CDYL: variants seen among roughly 807,000 people sequenced by gnomAD.
CDYL encodes chromodomain Y like, also known as chromodomain Y-like protein.
In CDYL, 8 loss-of-function variants were observed where a neutral mutation model predicts 47.3. That is an observed-to-expected ratio of 0.17 (90% CI 0.10 to 0.31). CDYL has a LOEUF of 0.31. Ranked by LOEUF, CDYL falls within the 10% of genes least tolerant of loss-of-function variation. The pLI is 1.00. For missense variants in CDYL, 471 were observed against 701.4 expected (o/e 0.67, Z 3.71); for synonymous variants, 266 against 265.0 (o/e 1.00, Z -0.04).
In CDYL at chr6:4,743,631, T is replaced by C. The variant is rs925743014; in HGVS notation, c.186+8787T>C. Among the ~76,000 whole-genome samples the C allele has an allele frequency of 2.6e-5, 4 of 152,342 alleles. No individual in the cohort carries two copies. The East Asian group carries it at 5.8e-4, about 22-fold the overall frequency. The stretch of plus-strand genomic sequence containing the variant: ...GTCACTAATTTTCCAACTGATGATA[T>C]CTGCTCACCACTGCTCCATGTCTGA... On this transcript the variant is annotated intron_variant, in intron 3 of 8. Transcript: ENST00000328908.
chr6:4,946,686 TG>T (rs1405590991), intron 5 of CDYL, among the ~76,000 whole-genome samples: 2 of 149,658 alleles, frequency 1.3e-5, no homozygotes, highest in African/African-American at 4.9e-5. Flanking sequence ...GTGGGGCTGA[TG>T]GAACTCAGCT....
intron 1 of CDYL, among the ~76,000 whole-genome samples, chr6:4,867,170 TTTTG>T (rs1165109828): frequency 6.6e-6 from 1 of 152,132 alleles, no homozygotes; most frequent in Non-Finnish European, 1.5e-5. Context: ...ATTTCTAATG[TTTTG>T]TTTGTTGTTT....
intron 1 of CDYL, among the ~76,000 whole-genome samples, chr6:4,819,836 G>A (rs1759783748): frequency 6.7e-6 from 1 of 150,060 alleles, no homozygotes; most frequent in Admixed American, 6.6e-5. Flanking sequence ...GGATTCTGCT[G>A]AACATCCTGC....
intron 1 of CDYL, among the ~76,000 whole-genome samples, chr6:4,804,910 C>T (rs1269373477): frequency 6.6e-6 from 1 of 152,110 alleles, no homozygotes; most frequent in Non-Finnish European, 1.5e-5. Context: ...TGCATCTGTC[C>T]CATTTCTATA....
chr6:4,900,779 G>GTGTATATA, intron 2 of CDYL, among the ~76,000 whole-genome samples: 1 of 51,714 alleles, frequency 1.9e-5, no homozygotes, highest in African/African-American at 6.3e-5. Flanking sequence ...GTATACGTGT[G>GTGTATATA]TATATATATA....
chr6:4,903,500 A>G lies in CDYL; in HGVS notation c.691+11121A>G, dbSNP rs182927958. On this transcript the variant is annotated intron_variant, in intron 2 of 6. Transcript: ENST00000397588. ...AAAATTATATTGTTTTATCTGAGCA[A>G]AATCTACTTAAAGGGTTCATTGAAC... 5.9e-5 allele frequency among the ~76,000 whole-genome samples: 9 copies of G among 152,334 alleles called. No homozygotes were observed. The East Asian group carries it at 1.7e-3, about 29-fold the overall frequency.
intron 1 of CDYL, among the ~76,000 whole-genome samples, chr6:4,784,478 A>G (rs1758700222): frequency 1.3e-5 from 2 of 152,200 alleles, no homozygotes; most frequent in Admixed American, 1.3e-4. Flanking sequence ...CTTTGAACCA[A>G]CACTTGAGAT....
chr6:4,708,089 C>T (rs1242514155), intron 1 of CDYL, among the ~76,000 whole-genome samples: 2 of 151,854 alleles, frequency 1.3e-5, no homozygotes, highest in Admixed American at 1.3e-4. Context: ...AATATGTGAT[C>T]TATTATTGCA....
intron 3 of CDYL, among the ~76,000 whole-genome samples, chr6:4,769,875 C>T (rs1178545423): frequency 6.6e-6 from 1 of 152,190 alleles, no homozygotes; most frequent in East Asian, 1.9e-4. Flanking sequence ...CGGCTCACTG[C>T]AAGCTCCGCC....
chr6:4,951,770 G>A (rs968666115), intron 5 of CDYL, among the ~76,000 whole-genome samples: 5 of 151,932 alleles, frequency 3.3e-5, no homozygotes, highest in Non-Finnish European at 5.9e-5. Flanking sequence ...ATAAAGAAAA[G>A]GTTTGGTAGG....
chr6:4,937,569 T>C lies in CDYL; in HGVS notation c.953T>C (p.Met318Thr). 1 of 1,533,474 alleles carries C rather than the reference T, an allele frequency of 6.5e-7. No homozygotes were observed. Among genetic ancestry groups the C allele is most frequent in the Non-Finnish European group, 8.8e-7 (1 of 1,141,942 alleles). The allele number at this position is 1,533,474 out of a possible 1,614,324, so 95.0% of individuals were successfully genotyped here. ...SENNSLNPEV[M>T]REVQSALSTA... ...TTAACTTCTGGTGACTTTCAGGTAATGAGAGAAGTCCAGAGTGCTCTGAGC... is the reference window on the plus strand; with the variant it reads ...TTAACTTCTGGTGACTTTCAGGTAACGAGAGAAGTCCAGAGTGCTCTGAGC... The change falls in exon 4 of 7, where the codon ATG (methionine) becomes ACG (threonine). Residue 318 changes from methionine to threonine, a missense_variant. Met to Thr is a moderately conservative substitution (Grantham distance 81, BLOSUM62 -1). Transcript: ENST00000397588.
intron 1 of CDYL, among the ~76,000 whole-genome samples, chr6:4,840,721 TC>T (rs1760462338): frequency 6.6e-6 from 1 of 152,194 alleles, no homozygotes; most frequent in Non-Finnish European, 1.5e-5. Flanking sequence ...TTTTAAACCA[TC>T]CCTGCATCCT....
intron 2 of CDYL, among the ~76,000 whole-genome samples, chr6:4,896,201 G>A (rs977623277): frequency 6.6e-6 from 1 of 152,232 alleles, no homozygotes; most frequent in African/African-American, 2.4e-5. Flanking sequence ...GCAGATTAAC[G>A]AGGAGGAAGT....
chr6:4,757,941 T>A (rs1300623631), intron 3 of CDYL, among the ~76,000 whole-genome samples: 1 of 152,200 alleles, frequency 6.6e-6, no homozygotes, highest in Non-Finnish European at 1.5e-5. Context: ...TGAAAGAAAC[T>A]GGATGATAAA....
chr6:4,876,351 A>T (rs533248401), intron 1 of CDYL, among the ~76,000 whole-genome samples: 78 of 152,268 alleles, frequency 5.1e-4, no homozygotes, highest in Non-Finnish European at 1.0e-3. Context: ...CCTTTGGGGT[A>T]ATTAGGTTGG....
At chr6:4,836,770 T>A (rs1420233480) in intron 1 of CDYL, among the ~76,000 whole-genome samples, 1 of 152,086 alleles carries the variant, frequency 6.6e-6, no homozygotes, top group Non-Finnish European at 1.5e-5. Flanking sequence ...AAGGAAAAAA[T>A]GCTGGGACTG....
intron 1 of CDYL, among the ~76,000 whole-genome samples, chr6:4,836,663 A>G (rs1342091222): frequency 2.0e-5 from 3 of 152,218 alleles, no homozygotes; most frequent in Non-Finnish European, 4.4e-5. Flanking sequence ...CCATGCAGCA[A>G]GGAAAAATGT....
chr6:4,837,647 T>TAGAGAC (rs1291227931), intron 1 of CDYL, among the ~76,000 whole-genome samples: 2 of 152,048 alleles, frequency 1.3e-5, no homozygotes, highest in Non-Finnish European at 1.5e-5. Context: ...GTATTTTTAG[T>TAGAGAC]AGAGACGAGG....
intron 1 of CDYL, among the ~76,000 whole-genome samples, chr6:4,859,055 C>T (rs992657985): frequency 4.6e-5 from 7 of 152,180 alleles, no homozygotes; most frequent in Admixed American, 3.9e-4. Context: ...GAGCTAGAAT[C>T]ATTTGTACAC....
Sources: gnomAD v4.1 joint callset for allele counts (sites outside exome capture counted in the v4.1 genomes callset) on GRCh38, gnomAD v4.1.1 for gene constraint, MANE v1.5 for transcripts, NCBI Gene and HGNC (gene_info 2026-07-23, HGNC 2026-07-21) for gene names.